TSPAN11: variants seen among roughly 807,000 people sequenced by gnomAD.
TSPAN11 encodes the protein tetraspanin-11.
A neutral mutation model predicts 32.9 loss-of-function variants in TSPAN11; 29 were observed. That is an observed-to-expected ratio of 0.88 (90% CI 0.66 to 1.20). The LOEUF is 1.20. TSPAN11 is among the 50% of genes most tolerant of loss of function. The pLI, the probability that TSPAN11 is intolerant of heterozygous loss-of-function variation, is 0.00. For missense variants in TSPAN11, 283 were observed against 329.1 expected (o/e 0.86, Z 1.08); for synonymous variants, 140 against 141.3 (o/e 0.99, Z 0.07).
intron 1 of TSPAN11, among the ~76,000 whole-genome samples, chr12:30,936,797 A>C (rs999733253): frequency 3.9e-5 from 6 of 152,178 alleles, no homozygotes; most frequent in Non-Finnish European, 8.8e-5. Context: ...GCAGGCTTTG[A>C]GAGTCATCAG....
At chr12:30,988,141 A>G (rs114509589) in intron 7 of TSPAN11, among the ~76,000 whole-genome samples, 4,200 of 152,258 alleles carry the variant, frequency 0.028, 181 homozygotes, top group African/African-American at 0.095. Flanking sequence ...CACCCACCTC[A>G]GTCATGGAAC....
chr12:30,980,874 A>C (rs1176516078), intron 5 of TSPAN11, among the ~76,000 whole-genome samples: 1 of 152,126 alleles, frequency 6.6e-6, no homozygotes, highest in Non-Finnish European at 1.5e-5. Context: ...CACTCCACTC[A>C]CTGGGCCTCA....
chr12:31,010,063 C>T, the TSPAN11 span, among the ~76,000 whole-genome samples: 4 of 152,292 alleles, frequency 2.6e-5, no homozygotes, highest in South Asian at 2.1e-4. Context: ...CTTCTGCCTC[C>T]GTAAGAGTGG....
the TSPAN11 span, among the ~76,000 whole-genome samples, chr12:31,002,202 G>T: frequency 6.6e-6 from 1 of 152,122 alleles, no homozygotes; most frequent in Non-Finnish European, 1.5e-5. The surrounding 1 kb of genome is among the most constrained non-coding windows in gnomAD (Gnocchi z 4.8). Context: ...CAGGCTTTGG[G>T]ACATGGCGGC....
rs555404127 is a variant in TSPAN11, at chr12:30,966,503, C to T, written c.276+2486C>T. The stretch of plus-strand genomic sequence containing the variant: ...TCTGACCCACCACACTCTTCTGCAA[C>T]CCAAGAGGTCATATTCACCCCCATT... On this transcript the variant is annotated intron_variant, in intron 3 of 7. Transcript: ENST00000546076. Among the ~76,000 whole-genome samples, 3 of 152,378 alleles carry T rather than the reference C, an allele frequency of 2.0e-5. No homozygotes were observed. In the East Asian group the frequency reaches 5.8e-4, roughly 29 times the overall value.
At chr12:30,982,985 C>A in intron 6 of TSPAN11, 79 bp from the exon 7 acceptor site, 1 of 1,441,596 alleles carries the variant, frequency 6.9e-7, no homozygotes, top group Non-Finnish European at 9.6e-7. Context: ...TCAGCCTCTG[C>A]TGCAGTGACA....
chr12:30,983,288 T>A lies in TSPAN11; in HGVS notation c.702+138T>A, dbSNP rs557911208. The A allele has an allele frequency of 2.5e-5, 20 of 792,570 alleles. No individual in the cohort carries two copies. The South Asian group carries it at 3.4e-4, about 14-fold the overall frequency. The allele number at this position is 792,570 out of a possible 1,614,324, so 49.1% of individuals were successfully genotyped here. ...CACCCTACCCTGCTCTCTTCTTCTC[T>A]CCCCTTCCCTCTGCAACCAAGGCTG... On this transcript the variant is annotated intron_variant, in intron 7 of 7. Transcript: ENST00000546076.
intron 7 of TSPAN11, 30 bp downstream of exon 7, chr12:30,983,180 T>G (rs1565803725): frequency 3.8e-6 from 6 of 1,592,238 alleles, no homozygotes; most frequent in Non-Finnish European, 5.1e-6. Context: ...CTGGTGGGGG[T>G]GGAAGGGCTC....
chr12:30,937,782 A>C (rs1259823925), intron 1 of TSPAN11, among the ~76,000 whole-genome samples: 1 of 152,112 alleles, frequency 6.6e-6, no homozygotes, highest in Non-Finnish European at 1.5e-5. Context: ...CAGAATCTCT[A>C]ATAGGGGAGC....
chr12:30,976,072 G>C (rs1464923073), intron 3 of TSPAN11, among the ~76,000 whole-genome samples: 5 of 152,160 alleles, frequency 3.3e-5, no homozygotes, highest in Admixed American at 3.3e-4. Context: ...AAACAAGGAT[G>C]CCTCACCCTG....
In TSPAN11 at chr12:30,992,204, C is replaced by A; in HGVS notation, c.*289C>A. On this transcript the variant is annotated 3_prime_UTR_variant, in exon 8 of 8. Coordinates refer to ENST00000546076, the MANE Select transcript of TSPAN11 (RefSeq NM_001370302.1). ...GCCCCTCACCAGGAACGGGGGCACC[C>A]GTGGACTACGGGAGGGTGGCGGTTG... 2.0e-6 allele frequency: 1 copy of A among 507,078 alleles called. No individual in the cohort carries two copies. Among genetic ancestry groups the A allele is most frequent in the Non-Finnish European group, 3.6e-6 (1 of 280,050 alleles). The allele number at this position is 507,078 out of a possible 1,614,324, so 31.4% of individuals were successfully genotyped here.
chr12:30,982,438 A>T (rs1019707053), intron 5 of TSPAN11, 94 bp from the exon 6 acceptor site: 5 of 1,479,622 alleles, frequency 3.4e-6, no homozygotes, highest in Non-Finnish European at 4.5e-6. Context: ...GTAGACAAAT[A>T]GGGGTTGGGT....
At chr12:30,989,000 C>T (rs1156234669) in intron 7 of TSPAN11, among the ~76,000 whole-genome samples, 1 of 152,220 alleles carries the variant, frequency 6.6e-6, no homozygotes, top group African/African-American at 2.4e-5. Flanking sequence ...TTCCTGCAGC[C>T]CTCCTCACAT....
intron 7 of TSPAN11, among the ~76,000 whole-genome samples, chr12:30,984,713 C>T (rs1190948158): frequency 6.6e-6 from 1 of 152,006 alleles, no homozygotes; most frequent in African/African-American, 2.4e-5. Flanking sequence ...TGCCCACCAC[C>T]ACGCCGCCTA....
chr12:31,013,096 T>C, the TSPAN11 span, among the ~76,000 whole-genome samples: 1 of 152,198 alleles, frequency 6.6e-6, no homozygotes, highest in African/African-American at 2.4e-5. Flanking sequence ...ACTGATCCTC[T>C]CTTCTGTGCA....
chr12:31,008,404 A>T, the TSPAN11 span, among the ~76,000 whole-genome samples: 1 of 152,132 alleles, frequency 6.6e-6, no homozygotes, highest in Non-Finnish European at 1.5e-5. Flanking sequence ...GTCCTTCCTC[A>T]TTGGTGCTGT....
intron 1 of TSPAN11, among the ~76,000 whole-genome samples, chr12:30,932,934 T>C (rs1466947838): frequency 6.6e-6 from 1 of 152,234 alleles, no homozygotes; most frequent in Non-Finnish European, 1.5e-5. Flanking sequence ...GGAATGACGC[T>C]GCCTTTCTGA....
At chr12:31,005,734 G>A in the TSPAN11 span, 10 of 157,888 alleles carry the variant, frequency 6.3e-5, no homozygotes, top group East Asian at 1.9e-4. Context: ...GTAGAGGAGC[G>A]GGGAGTGGGG....
At chr12:30,974,755 G>T (rs553761171) in intron 3 of TSPAN11, among the ~76,000 whole-genome samples, 1 of 152,332 alleles carries the variant, frequency 6.6e-6, no homozygotes, top group African/African-American at 2.4e-5. Flanking sequence ...GCAGTGCTAC[G>T]GAGCAATGGG....
Sources: gnomAD v4.1 joint callset for allele counts (sites outside exome capture counted in the v4.1 genomes callset) on GRCh38, gnomAD v4.1.1 for gene constraint, Gnocchi (gnomAD v3.1) non-coding constraint, MANE v1.5 for transcripts, NCBI Gene and HGNC (gene_info 2026-07-23, HGNC 2026-07-21) for gene names.